LYSET: variants seen among roughly 807,000 people sequenced by gnomAD.
The protein encoded by LYSET is GNPTAB cleavage and activity factor.
the LYSET span, chr14:93,185,416 C>T: frequency 6.2e-7 from 1 of 1,612,774 alleles, no homozygotes; most frequent in Non-Finnish European, 8.5e-7. Context: ...ATGCCAAAGC[C>T]ACCCGATTAT....
chr14:93,186,707 TGCCA>T, the LYSET span: 1 of 1,555,816 alleles, frequency 6.4e-7, no homozygotes, highest in South Asian at 1.2e-5. Flanking sequence ...ATTACAAAAC[TGCCA>T]GTCCTATATG....
chr14:93,185,737 G>GT, the LYSET span, among the ~76,000 whole-genome samples: 105 of 151,902 alleles, frequency 6.9e-4, no homozygotes, highest in African/African-American at 2.3e-3. Flanking sequence ...ATGGTTTTTT[G>GT]TTTTTTTGTG....
chr14:93,186,216 C>A, the LYSET span: 2 of 1,538,634 alleles, frequency 1.3e-6, no homozygotes, highest in Non-Finnish European at 1.8e-6. Flanking sequence ...GTTGCCGTGA[C>A]AGCATTACTA....
chr14:93,186,201 G>T, the LYSET span: 1 of 1,475,478 alleles, frequency 6.8e-7, no homozygotes, highest in East Asian at 2.6e-5. Context: ...AGTACATTTG[G>T]AGTAGTTGCC....
the LYSET span, among the ~76,000 whole-genome samples, chr14:93,187,588 A>G: frequency 1.3e-5 from 2 of 152,184 alleles, no homozygotes; most frequent in Non-Finnish European, 2.9e-5. Flanking sequence ...GATGGAAACA[A>G]TGTGTTCAAT....
chr14:93,187,450 T>C, the LYSET span, among the ~76,000 whole-genome samples: 1 of 151,896 alleles, frequency 6.6e-6, no homozygotes, highest in African/African-American at 2.4e-5. Flanking sequence ...ATTTTTTTTT[T>C]CCATGACTTG....
chr14:93,185,988 C>T, the LYSET span, among the ~76,000 whole-genome samples: 1 of 151,860 alleles, frequency 6.6e-6, no homozygotes, highest in Non-Finnish European at 1.5e-5. Flanking sequence ...CCTGCCTCAG[C>T]CTCCCGAGTA....
the LYSET span, chr14:93,186,761 G>A: frequency 2.2e-6 from 3 of 1,389,416 alleles, no homozygotes. Context: ...ACAGATCTCA[G>A]GAAGTTGTCG....
the LYSET span, chr14:93,185,364 C>A: frequency 1.9e-6 from 3 of 1,598,962 alleles, no homozygotes; most frequent in African/African-American, 1.3e-5. Context: ...TTCTCCTAGC[C>A]GGGTGACCCA....
chr14:93,185,508 C>T, the LYSET span: 1 of 1,596,360 alleles, frequency 6.3e-7, no homozygotes, highest in Non-Finnish European at 8.6e-7. Context: ...GAGTTACTGT[C>T]TTAACTTGGG....
the LYSET span, among the ~76,000 whole-genome samples, chr14:93,187,735 A>G: frequency 6.6e-6 from 1 of 151,984 alleles, no homozygotes; most frequent in Non-Finnish European, 1.5e-5. Context: ...TGCAACCTCC[A>G]CCTCTCGGGT....
At chr14:93,185,614 A>C in the LYSET span, 10 of 752,942 alleles carry the variant, frequency 1.3e-5, no homozygotes, top group Admixed American at 2.4e-4. Context: ...GTGAGAAACT[A>C]GTTTAATTCC....
chr14:93,185,868 C>T, the LYSET span, among the ~76,000 whole-genome samples: 28 of 141,774 alleles, frequency 2.0e-4, no homozygotes, highest in East Asian at 1.4e-3. Flanking sequence ...TTTTAGAATT[C>T]TTTTTTTTTT....
chr14:93,186,667 C>T, the LYSET span: 10 of 1,587,236 alleles, frequency 6.3e-6, no homozygotes, highest in East Asian at 9.0e-5. Context: ...CTGATTGACA[C>T]GTAAAATCAG....
the LYSET span, chr14:93,186,180 G>T: frequency 1.4e-6 from 2 of 1,402,136 alleles, no homozygotes; most frequent in Non-Finnish European, 9.7e-7. Flanking sequence ...AGAATTCTTG[G>T]AGATAAAGCA....
chr14:93,186,389 C>T, the LYSET span: 978 of 1,614,180 alleles, frequency 6.1e-4, 3 homozygotes, highest in African/African-American at 0.012. Context: ...ACAGGCTGGC[C>T]TTGGAACACA....
At chr14:93,186,521 G>T in the LYSET span, 9 of 1,614,202 alleles carry the variant, frequency 5.6e-6, no homozygotes, top group Non-Finnish European at 7.6e-6. Flanking sequence ...ACTTACAGAT[G>T]TTTTTGTTCC....
the LYSET span, chr14:93,186,302 ATGGAT>A: frequency 6.2e-7 from 1 of 1,614,096 alleles, no homozygotes; most frequent in Non-Finnish European, 8.5e-7. Flanking sequence ...AGCGGATGGG[ATGGAT>A]TGGAGTGGGA....
the LYSET span, chr14:93,186,673 A>G: frequency 1.3e-6 from 2 of 1,584,046 alleles, no homozygotes; most frequent in Non-Finnish European, 1.7e-6. Flanking sequence ...GACACGTAAA[A>G]TCAGTCACCG....
Sources: allele counts gnomAD v4.1 joint callset (sites outside exome capture counted in the v4.1 genomes callset), GRCh38; gene constraint gnomAD v4.1.1; transcripts MANE v1.5; gene names NCBI Gene and HGNC (gene_info 2026-07-23, HGNC 2026-07-21).